The following NFAT5 variants were observed in gnomAD, a reference collection of about 807,000 sequenced individuals.
NFAT5 encodes the protein nuclear factor of activated T-cells 5.
A neutral mutation model predicts 166.5 loss-of-function variants in NFAT5; 31 were observed. The observed-to-expected ratio is 0.19, with a 90% CI of 0.14 to 0.25. NFAT5 has a LOEUF of 0.25. NFAT5 is among the 10% of genes least tolerant of loss of function. The probability of loss-of-function intolerance (pLI) is 1.00; values close to 1 mark genes in which losing one functional copy is unlikely to be tolerated. For synonymous variants in NFAT5, 612 were observed against 639.7 expected (o/e 0.96, Z 0.65); for missense variants, 1,449 against 1,821.8 (o/e 0.80, Z 3.72).
intron 2 of NFAT5, among the ~76,000 whole-genome samples, chr16:69,573,951 G>A (rs942264516): frequency 8.3e-5 from 12 of 144,492 alleles, no homozygotes; most frequent in Non-Finnish European, 1.8e-4. Context: ...TCAGCTCACC[G>A]CAACTTCACC....
intron 4 of NFAT5, chr16:69,649,367 A>G (rs1354799370): frequency 5.1e-6 from 5 of 975,220 alleles, no homozygotes; most frequent in South Asian, 9.5e-5. Flanking sequence ...ACTTATGGCT[A>G]GTAAACAGTG....
intron 2 of NFAT5, among the ~76,000 whole-genome samples, chr16:69,576,271 G>A (rs184956338): frequency 2.9e-5 from 4 of 137,564 alleles, no homozygotes; most frequent in Admixed American, 7.9e-5. Context: ...CAGCCTGGGC[G>A]ACAGAGTGAG....
At chr16:69,632,289 G>A (rs1000446241) in intron 3 of NFAT5, 6 of 152,106 alleles carry the variant, frequency 3.9e-5, no homozygotes, top group African/African-American at 1.4e-4. Context: ...TATGTGACAA[G>A]AATTGTGTTA....
chr16:69,692,860 G>C lies in NFAT5; in HGVS notation c.3035G>C (p.Gly1012Ala). Residue 1012 changes from glycine (G) to alanine (A), a missense_variant, in exon 13 of 15, where the codon GGA becomes GCA. By Grantham distance (60) the Gly-to-Ala change is moderately conservative. Transcript: ENST00000349945. ...AGTTCAGGAGATGGAGAAGAAACTG[G>C]AACACAAGCAAAACAGATTCAGAAC... Reference protein sequence around the residue: ...TSSSGDGEETGTQAKQIQNSV... With the variant: ...TSSSGDGEETATQAKQIQNSV... The C allele has an allele frequency of 1.2e-6, 2 of 1,614,178 alleles. No individual in the cohort carries two copies. The highest frequency in any genetic ancestry group is 1.7e-6 in the Non-Finnish European group (2 of 1,180,038).
intron 6 of NFAT5, among the ~76,000 whole-genome samples, chr16:69,657,758 C>CAAA (rs1161075361): frequency 3.9e-5 from 2 of 51,252 alleles, no homozygotes; most frequent in Non-Finnish European, 3.8e-5. Context: ...GACTCCATCT[C>CAAA]AAAAAAAAAA....
chr16:69,686,778 G>T (rs899242492), intron 11 of NFAT5, among the ~76,000 whole-genome samples: 7 of 152,102 alleles, frequency 4.6e-5, no homozygotes, highest in African/African-American at 1.7e-4. Context: ...CAGAAGAATT[G>T]CTTGAACCCG....
At chr16:69,618,197 T>C (rs2034046349) in intron 2 of NFAT5, among the ~76,000 whole-genome samples, 1 of 152,094 alleles carries the variant, frequency 6.6e-6, no homozygotes, top group African/African-American at 2.4e-5. Context: ...TCAAGTTAGT[T>C]TTCTTCTTCC....
chr16:69,674,373 A>C (rs188777777), intron 9 of NFAT5, among the ~76,000 whole-genome samples: 5 of 152,244 alleles, frequency 3.3e-5, no homozygotes, highest in African/African-American at 1.2e-4. Flanking sequence ...ATGTATACCA[A>C]ATATGATGGG....
chr16:69,628,567 G>A (rs1290781228), intron 3 of NFAT5, among the ~76,000 whole-genome samples: 1 of 151,990 alleles, frequency 6.6e-6, no homozygotes, highest in Non-Finnish European at 1.5e-5. Flanking sequence ...AAACAAGAGA[G>A]TTTAAATCAC....
At chr16:69,661,187 C>G (rs1321726847) in intron 7 of NFAT5, among the ~76,000 whole-genome samples, 4 of 149,842 alleles carry the variant, frequency 2.7e-5, no homozygotes, top group Non-Finnish European at 3.0e-5. Context: ...AGGCTGGTCT[C>G]TCTTCCTGTT....
intron 3 of NFAT5, among the ~76,000 whole-genome samples, chr16:69,630,155 T>C (rs2034649271): frequency 6.6e-6 from 1 of 152,028 alleles, no homozygotes; most frequent in South Asian, 2.1e-4. Flanking sequence ...CAGGCTGATC[T>C]CAAACTCCTG....
At chr16:69,627,973 AT>A (rs1440702788) in intron 3 of NFAT5, among the ~76,000 whole-genome samples, 1 of 152,172 alleles carries the variant, frequency 6.6e-6, no homozygotes, top group East Asian at 1.9e-4. Context: ...TGACTAACTG[AT>A]TTCTTTTGTA....
chr16:69,566,661 C>G lies in NFAT5; in HGVS notation c.73+287C>G, dbSNP rs1355013865. 6.6e-6 allele frequency among the ~76,000 whole-genome samples: 1 copy of G among 151,896 alleles called. No individual in the cohort carries two copies. Among genetic ancestry groups the G allele is most frequent in the Non-Finnish European group, 1.5e-5 (1 of 67,942 alleles). On this transcript the variant is annotated intron_variant, in intron 1 of 14. Coordinates refer to ENST00000349945, the MANE Select transcript of NFAT5 (RefSeq NM_138713.4). The surrounding 1 kb of genome is among the most constrained non-coding windows in gnomAD (Gnocchi z 5.7). Reference sequence around the variant, plus strand: ...CGGTCGCTTCTAGCCGCTCTCAGCCCGTCCGGCCCCGCCAGGCTCCGCGAG... The same window carrying G: ...CGGTCGCTTCTAGCCGCTCTCAGCCGGTCCGGCCCCGCCAGGCTCCGCGAG...
chr16:69,688,216 A>AAAC (rs1555533479), intron 11 of NFAT5, among the ~76,000 whole-genome samples: 1 of 147,230 alleles, frequency 6.8e-6, no homozygotes, highest in Non-Finnish European at 1.5e-5. Flanking sequence ...AAAAAAAAAA[A>AAAC]AAAAAAAAAA....
chr16:69,573,586 G>C (rs2016566368), intron 2 of NFAT5, among the ~76,000 whole-genome samples: 1 of 152,088 alleles, frequency 6.6e-6, no homozygotes, highest in Non-Finnish European at 1.5e-5. Flanking sequence ...GTCATACCTA[G>C]TTCATCCCAG....
At position 69,566,393 on chromosome 16, in the gene NFAT5, G is replaced by C. The variant is rs1373338629; in HGVS notation, c.73+19G>C. The C allele has an allele frequency of 4.5e-6, 7 of 1,548,828 alleles. No individual in the cohort carries two copies. The highest frequency in any genetic ancestry group is 1.4e-5 in the African/African-American group (1 of 73,874). On this transcript the variant is annotated intron_variant, in intron 1 of 14. Transcript: ENST00000349945. This position sits in a 1 kb window ranked among gnomAD's most constrained non-coding sequence, Gnocchi z 5.7. ...TCGCGAGGTGAGTCAGGCTGTGGGG[G>C]GTGGGGCGTGGGGGCGGGGAGACAG...
chr16:69,627,703 C>G (rs2034533363), intron 3 of NFAT5, among the ~76,000 whole-genome samples: 1 of 152,058 alleles, frequency 6.6e-6, no homozygotes, highest in South Asian at 2.1e-4. Flanking sequence ...ACTGATCAGC[C>G]CTGTTCACTG....
chr16:69,578,743 G>GA (rs2031465171), intron 2 of NFAT5, among the ~76,000 whole-genome samples: 1 of 151,250 alleles, frequency 6.6e-6, no homozygotes, highest in African/African-American at 2.4e-5. Context: ...GATTTTACTT[G>GA]AAAAAAAATA....
chr16:69,690,764 C>T lies in NFAT5; in HGVS notation c.1775-176C>T, dbSNP rs184745729. Reference sequence around the variant, plus strand: ...AGGCCCATTCCAGAGGTCCCCCAGCCAATGCACTTCATAAAAGGGAAGATA... The same window carrying T: ...AGGCCCATTCCAGAGGTCCCCCAGCTAATGCACTTCATAAAAGGGAAGATA... On this transcript the variant is annotated intron_variant, in intron 11 of 14. Coordinates refer to ENST00000349945, the MANE Select transcript of NFAT5 (RefSeq NM_138713.4). The T allele has an allele frequency of 2.5e-4, 103 of 416,190 alleles. No homozygotes were observed. In the East Asian group the frequency reaches 4.2e-3, roughly 17 times the overall value. The allele number at this position is 416,190 out of a possible 1,614,324, so 25.8% of individuals were successfully genotyped here.
Sources: allele counts gnomAD v4.1 joint callset (sites outside exome capture counted in the v4.1 genomes callset), GRCh38; gene constraint gnomAD v4.1.1; non-coding constraint Gnocchi (gnomAD v3.1); transcripts MANE v1.5; gene names NCBI Gene and HGNC (gene_info 2026-07-23, HGNC 2026-07-21).